Variants in RAP1GDS1 observed in about 807,000 individuals in gnomAD.
RAP1GDS1 encodes Rap1 GTPase-GDP dissociation stimulator 1.
Under a neutral mutation model 71.1 loss-of-function variants are expected in RAP1GDS1, and 35 were observed. The ratio of observed to expected loss-of-function variants is 0.49; its 90% CI spans 0.38 to 0.65. The LOEUF (loss-of-function observed/expected upper bound fraction) is 0.65. RAP1GDS1 is among the 30% of genes least tolerant of loss of function. RAP1GDS1 has a pLI of 0.00. For missense variants in RAP1GDS1, 663 were observed against 706.1 expected (o/e 0.94, Z 0.69); for synonymous variants, 229 against 243.1 (o/e 0.94, Z 0.54).
intron 2 of RAP1GDS1, among the ~76,000 whole-genome samples, chr4:98,320,148 T>C (rs1191520873): frequency 6.6e-6 from 1 of 152,230 alleles, no homozygotes; most frequent in Non-Finnish European, 1.5e-5. Context: ...TTAATTGTTA[T>C]GGGTAAGGCT....
intron 4 of RAP1GDS1, among the ~76,000 whole-genome samples, chr4:98,362,882 C>T (rs1039074219): frequency 1.3e-5 from 2 of 152,066 alleles, no homozygotes; most frequent in African/African-American, 4.8e-5. Context: ...CAATTAAATC[C>T]ACACATATTG....
intron 4 of RAP1GDS1, 133 bp from the exon 5 acceptor site, chr4:98,378,884 T>C: frequency 1.2e-6 from 1 of 830,630 alleles, no homozygotes; most frequent in Non-Finnish European, 1.7e-6. Context: ...TGAAAAGACA[T>C]ATTTAATGTC....
At chr4:98,390,586 G>A (rs1230259780) in intron 5 of RAP1GDS1, among the ~76,000 whole-genome samples, 1 of 152,066 alleles carries the variant, frequency 6.6e-6, no homozygotes, top group Non-Finnish European at 1.5e-5. Context: ...CTAAGCCTCT[G>A]TTGACTATCT....
chr4:98,323,087 G>T (rs1732248266), intron 2 of RAP1GDS1, among the ~76,000 whole-genome samples: 1 of 151,204 alleles, frequency 6.6e-6, no homozygotes, highest in Non-Finnish European at 1.5e-5. Flanking sequence ...TGATAAAGGG[G>T]ATATCACCAC....
intron 12 of RAP1GDS1, among the ~76,000 whole-genome samples, chr4:98,432,054 G>A (rs1252208871): frequency 6.6e-6 from 1 of 151,942 alleles, no homozygotes; most frequent in Non-Finnish European, 1.5e-5. Flanking sequence ...TTTACATTAG[G>A]TATTTCTCCT....
At chr4:98,398,742 T>C (rs771256359) in intron 6 of RAP1GDS1, among the ~76,000 whole-genome samples, 1 of 152,142 alleles carries the variant, frequency 6.6e-6, no homozygotes, top group Non-Finnish European at 1.5e-5. Context: ...TGTTGCAGGA[T>C]ACAAAATCAA....
chr4:98,422,736 C>A (rs1749065491), intron 12 of RAP1GDS1, among the ~76,000 whole-genome samples: 1 of 152,198 alleles, frequency 6.6e-6, no homozygotes, highest in South Asian at 2.1e-4. Flanking sequence ...TAATAGCTGT[C>A]CCAGCTGGTA....
chr4:98,331,966 A>G (rs1734081513), intron 2 of RAP1GDS1, among the ~76,000 whole-genome samples: 1 of 152,232 alleles, frequency 6.6e-6, no homozygotes, highest in African/African-American at 2.4e-5. Context: ...GATTTTAAAA[A>G]TCTTAACCCT....
chr4:98,371,937 C>T (rs1357986936), intron 4 of RAP1GDS1, among the ~76,000 whole-genome samples: 2 of 152,106 alleles, frequency 1.3e-5, no homozygotes, highest in Non-Finnish European at 2.9e-5. Flanking sequence ...GACCATCTCT[C>T]CCTTTTAAGT....
At chr4:98,408,681 T>TA (rs1002967796) in intron 7 of RAP1GDS1, among the ~76,000 whole-genome samples, 6 of 152,134 alleles carry the variant, frequency 3.9e-5, no homozygotes, top group African/African-American at 1.4e-4. Flanking sequence ...AGTAATATAT[T>TA]AAAAAAATTA....
intron 4 of RAP1GDS1, among the ~76,000 whole-genome samples, chr4:98,358,819 A>G (rs555832451): frequency 1.3e-5 from 2 of 152,004 alleles, no homozygotes; most frequent in South Asian, 4.2e-4. Context: ...TGGTTATGCT[A>G]TTGTGTAGTA....
At chr4:98,351,294 A>T (rs1323029438) in intron 3 of RAP1GDS1, among the ~76,000 whole-genome samples, 3 of 152,170 alleles carry the variant, frequency 2.0e-5, no homozygotes, top group Non-Finnish European at 4.4e-5. Context: ...TAAGAAAGAG[A>T]TGATAGGAAT....
rs1722104730 is a variant in RAP1GDS1, at chr4:98,262,154, C to T, written c.4+585C>T. On this transcript the variant is annotated intron_variant, in intron 1 of 14. Transcript: ENST00000408927. ...CTCATAGGTTGAAAGGATGACTTGT[C>T]AGAGGCCACGAGGAACGTGAGGCAG... Among the ~76,000 whole-genome samples, 3 of 152,236 alleles carry T rather than the reference C, an allele frequency of 2.0e-5. No homozygotes were observed. The South Asian group carries it at 6.2e-4, about 32-fold the overall frequency.
chr4:98,412,268 T>C (rs1327656951), intron 7 of RAP1GDS1, among the ~76,000 whole-genome samples: 1 of 152,168 alleles, frequency 6.6e-6, no homozygotes, highest in Non-Finnish European at 1.5e-5. Flanking sequence ...ATCCTAGCAC[T>C]TTGGGAGGCC....
rs1013799512 is a variant in RAP1GDS1 at position 98,416,903 on chromosome 4, A to C, written c.907+15A>C. 1.2e-6 allele frequency: 2 copies of C among 1,609,514 alleles called. No homozygotes were observed. Among genetic ancestry groups the C allele is most frequent in the East Asian group, 4.5e-5 (2 of 44,816 alleles). ...ACTTCTTGGAGGTGAGTTGTAATTT[A>C]TGCCAGCCAAAGAATGTGGTTGTCA... On this transcript the variant is annotated intron_variant, in intron 8 of 14. Transcript: ENST00000408927.
chr4:98,392,181 A>T, intron 6 of RAP1GDS1, 101 bp downstream of exon 6: 1 of 1,124,844 alleles, frequency 8.9e-7, no homozygotes, highest in Non-Finnish European at 1.2e-6. Flanking sequence ...TTTAGATTGT[A>T]TTAGTTTATT....
At chr4:98,295,662 T>A (rs1349074397) in intron 2 of RAP1GDS1, among the ~76,000 whole-genome samples, 6 of 152,110 alleles carry the variant, frequency 3.9e-5, no homozygotes, top group African/African-American at 1.2e-4. Context: ...TAAAAAATTG[T>A]AATCTGAATA....
chr4:98,334,703 G>C (rs917489416), intron 2 of RAP1GDS1, among the ~76,000 whole-genome samples: 1 of 151,922 alleles, frequency 6.6e-6, no homozygotes, highest in Non-Finnish European at 1.5e-5. Context: ...TCAGTTAACT[G>C]TTTCTTTACC....
chr4:98,368,485 CATAA>C lies in RAP1GDS1; in HGVS notation c.362-10525_362-10522del, dbSNP rs565244436. The stretch of plus-strand genomic sequence containing the variant: ...TGAGTTGGTATATATTTCAGGAAGT[CATAA>C]ATAAATGAGAATGATGAGCAGTTTT... On this transcript the variant is annotated intron_variant, in intron 4 of 14. Transcript: ENST00000408927. 6.0e-3 allele frequency among the ~76,000 whole-genome samples: 920 copies of C among 152,164 alleles called. 7 individuals carry two copies. The highest frequency in any genetic ancestry group is 0.01 in the Non-Finnish European group (701 of 67,984).
Sources: allele counts gnomAD v4.1 joint callset (sites outside exome capture counted in the v4.1 genomes callset), GRCh38; gene constraint gnomAD v4.1.1; transcripts MANE v1.5; gene names NCBI Gene and HGNC (gene_info 2026-07-23, HGNC 2026-07-21).